Variants in CD200R1 observed in about 807,000 individuals in gnomAD.
CD200R1 encodes the protein cell surface glycoprotein CD200 receptor 1.
CD200R1 carries 30 observed loss-of-function variants against 38.1 expected under a neutral mutation model. That is an observed-to-expected ratio of 0.79 (90% CI 0.59 to 1.07). The LOEUF is 1.07. CD200R1 is among the 50% of genes least tolerant of loss of function. The pLI is 0.00. For missense variants in CD200R1, 372 were observed against 415.4 expected (o/e 0.90, Z 0.91); for synonymous variants, 128 against 152.1 (o/e 0.84, Z 1.16).
chr3:112,951,974 G>A (rs1453010695), intron 1 of CD200R1, among the ~76,000 whole-genome samples: 1 of 150,154 alleles, frequency 6.7e-6, no homozygotes, highest in Non-Finnish European at 1.5e-5. Flanking sequence ...TGTAAATTGA[G>A]AAGATAATTC....
At chr3:112,968,290 T>C (rs1933216846) in intron 1 of CD200R1, among the ~76,000 whole-genome samples, 1 of 152,160 alleles carries the variant, frequency 6.6e-6, no homozygotes, top group African/African-American at 2.4e-5. Context: ...TATTCAATCT[T>C]AACATCCAAG....
rs148826328 is a variant in CD200R1, at chr3:112,935,189, G to T, written c.137-4018C>A. On this transcript the variant is annotated intron_variant, in intron 2 of 7. Transcript: ENST00000308611. The stretch of plus-strand genomic sequence containing the variant: ...CTTTCAGCATTAGGCAGATGATCTA[G>T]ACAGAAAATCAAGAAACATTGGATC... Among the ~76,000 whole-genome samples the T allele has an allele frequency of 9.9e-3, 1,505 of 152,210 alleles. 20 individuals carry two copies. Among genetic ancestry groups the T allele is most frequent in the South Asian group, 0.031 (149 of 4,826 alleles).
intron 1 of CD200R1, among the ~76,000 whole-genome samples, chr3:112,971,591 C>T (rs548952148): frequency 6.6e-6 from 1 of 152,238 alleles, no homozygotes; most frequent in East Asian, 1.9e-4. Flanking sequence ...TTACCTAGTG[C>T]CACCGCCACT....
chr3:112,938,349 G>C (rs1576134121), intron 2 of CD200R1, among the ~76,000 whole-genome samples: 1 of 151,342 alleles, frequency 6.6e-6, no homozygotes, highest in South Asian at 2.1e-4. Flanking sequence ...TAACATAATT[G>C]ACAAGCCATT....
intron 1 of CD200R1, among the ~76,000 whole-genome samples, chr3:112,963,545 G>A (rs1933076813): frequency 6.6e-6 from 1 of 152,194 alleles, no homozygotes; most frequent in African/African-American, 2.4e-5. Context: ...CTAGAGATGT[G>A]TGGAACTTTG....
At chr3:112,956,527 G>A (rs568977439) in intron 1 of CD200R1, among the ~76,000 whole-genome samples, 1 of 152,068 alleles carries the variant, frequency 6.6e-6, no homozygotes, top group African/African-American at 2.4e-5. Flanking sequence ...TTTGTGGTTG[G>A]TCACTATCAC....
At chr3:112,937,872 A>G (rs1940624303) in intron 2 of CD200R1, among the ~76,000 whole-genome samples, 1 of 152,126 alleles carries the variant, frequency 6.6e-6, no homozygotes, top group South Asian at 2.1e-4. Context: ...TTCTTTGAGC[A>G]GCAGTTTATA....
chr3:112,966,010 A>C (rs1270262113), intron 1 of CD200R1, among the ~76,000 whole-genome samples: 1 of 152,218 alleles, frequency 6.6e-6, no homozygotes, highest in Non-Finnish European at 1.5e-5. Flanking sequence ...GTTAACAAAC[A>C]CTTGTTAGTA....
At chr3:112,969,381 A>G (rs111702556) in intron 1 of CD200R1, among the ~76,000 whole-genome samples, 1 of 152,192 alleles carries the variant, frequency 6.6e-6, no homozygotes, top group African/African-American at 2.4e-5. Flanking sequence ...AATAACAGAA[A>G]TTATTCAGGA....
intron 2 of CD200R1, among the ~76,000 whole-genome samples, chr3:112,942,830 T>C (rs767111691): frequency 3.8e-4 from 58 of 151,688 alleles, no homozygotes; most frequent in Non-Finnish European, 7.7e-4. Context: ...AGTAGCTATA[T>C]TAATTTTACA....
intron 1 of CD200R1, among the ~76,000 whole-genome samples, chr3:112,957,001 G>C (rs1941113291): frequency 6.6e-6 from 1 of 152,110 alleles, no homozygotes; most frequent in African/African-American, 2.4e-5. Context: ...CTGCAGTCAG[G>C]GGTCATTGGA....
At chr3:112,962,361 G>A (rs1419046828) in intron 1 of CD200R1, among the ~76,000 whole-genome samples, 1 of 152,082 alleles carries the variant, frequency 6.6e-6, no homozygotes, top group African/African-American at 2.4e-5. Context: ...CATATGCAAA[G>A]ATATGTGTAC....
At chr3:112,947,058 T>C (rs1487310669) in intron 2 of CD200R1, among the ~76,000 whole-genome samples, 2 of 152,054 alleles carry the variant, frequency 1.3e-5, no homozygotes, top group African/African-American at 4.8e-5. Flanking sequence ...AACGTTCCAA[T>C]TATATGACAC....
At chr3:112,933,482 T>C (rs1372125530) in intron 2 of CD200R1, among the ~76,000 whole-genome samples, 1 of 152,114 alleles carries the variant, frequency 6.6e-6, no homozygotes, top group East Asian at 1.9e-4. Flanking sequence ...TACATATAAA[T>C]AAGCTTTTTC....
chr3:112,938,023 T>C (rs1206372045), intron 2 of CD200R1, among the ~76,000 whole-genome samples: 1 of 152,158 alleles, frequency 6.6e-6, no homozygotes, highest in Non-Finnish European at 1.5e-5. Flanking sequence ...ATACTAGCAA[T>C]TTTTGCACAA....
intron 2 of CD200R1, among the ~76,000 whole-genome samples, chr3:112,946,962 G>A (rs1453757506): frequency 6.7e-6 from 1 of 149,996 alleles, no homozygotes; most frequent in Non-Finnish European, 1.5e-5. Flanking sequence ...AAAAAAAAGA[G>A]CCATTAAGAC....
At chr3:112,947,772 G>A in intron 2 of CD200R1, 84 bp downstream of exon 2, 1 of 828,970 alleles carries the variant, frequency 1.2e-6, no homozygotes, top group Non-Finnish European at 2.1e-6. Flanking sequence ...TAATGCATGA[G>A]ACAATTCAAG....
intron 1 of CD200R1, among the ~76,000 whole-genome samples, chr3:112,949,426 T>C (rs538039507): frequency 5.9e-5 from 9 of 152,370 alleles, no homozygotes; most frequent in South Asian, 2.1e-4. Context: ...AGATAATTTA[T>C]GGAATGAGTA....
At chr3:112,939,647 C>T (rs114931380) in intron 2 of CD200R1, among the ~76,000 whole-genome samples, 3,251 of 151,612 alleles carry the variant, frequency 0.021, 40 homozygotes, top group South Asian at 0.047. Flanking sequence ...TAAGAAGACA[C>T]AAAAAATAGA....
Sources: allele counts gnomAD v4.1 joint callset (sites outside exome capture counted in the v4.1 genomes callset), GRCh38; gene constraint gnomAD v4.1.1; transcripts MANE v1.5; gene names NCBI Gene and HGNC (gene_info 2026-07-23, HGNC 2026-07-21).